Variants in COL7A1 observed in about 807,000 individuals in gnomAD.
The protein encoded by COL7A1 is collagen type VII alpha 1 chain.
COL7A1 carries 296 observed loss-of-function variants against 456.2 expected under a neutral mutation model. That is an observed-to-expected ratio of 0.65 (90% CI 0.59 to 0.71). COL7A1 has a LOEUF of 0.71. Among genes scored for constraint, COL7A1 ranks in the 30% least tolerant of loss-of-function variants. The pLI is 0.00. For synonymous variants in COL7A1, 1,464 were observed against 1,525.9 expected (o/e 0.96, Z 0.95); for missense variants, 3,441 against 4,017.2 (o/e 0.86, Z 3.88).
In COL7A1 at chr3:48,565,435, G is replaced by T. The variant is rs201339290; in HGVS notation, c.8502C>A (p.Leu2834=). The T allele has an allele frequency of 6.2e-7, 1 of 1,612,588 alleles. No individual in the cohort carries two copies. The highest frequency in any genetic ancestry group is 1.3e-5 in the African/African-American group (1 of 75,028). ...CTTCCTCCTCTGCATGAGAGACGCG[G>T]AGCACAGGCACAGCATGGAGCTGGG... ...AGSQLHAVPV[L]RVSHAEEEER... Residue 2834 remains leucine (L), a synonymous_variant, in exon 116 of 119, where the codon CTC becomes CTA. Coordinates refer to ENST00000681320, the MANE Select transcript of COL7A1 (RefSeq NM_000094.4). The surrounding 1 kb of genome is among the most constrained non-coding windows in gnomAD (Gnocchi z 4.5).
rs2044521775 is a variant in COL7A1, at chr3:48,578,927, C to T, written c.5416G>A (p.Gly1806Arg). 1 of 1,613,890 alleles carries T rather than the reference C, an allele frequency of 6.2e-7. No individual in the cohort carries two copies. ...NGAAGKAGDP[G>R]RDGLPGLRGE... ...CATCTCCCCTCACTTACGTCTCTCC[C>T]TGGGTCCCCAGCTTTGCCTGCAGCA... The change falls in exon 63 of 119, where the codon GGG (glycine) becomes AGG (arginine). Residue 1806 changes from glycine to arginine, a missense_variant. Physicochemically the swap from Gly to Arg is moderately radical, Grantham distance 125. Transcript: ENST00000681320. The surrounding 1 kb of genome is among the most constrained non-coding windows in gnomAD (Gnocchi z 4.7).
At position 48,579,385 on chromosome 3, in the gene COL7A1, C is replaced by G. The variant is rs1057520568; in HGVS notation, c.5291G>C (p.Gly1764Ala). Residue 1764 changes from glycine to alanine, a missense_variant, in exon 61 of 119, where the codon GGC becomes GCC. This residue lies in a region of COL7A1 where 2,084 missense variants were observed against 2,501.3 expected (regional missense o/e 0.83). Transcript: ENST00000681320. The surrounding 1 kb of genome is among the most constrained non-coding windows in gnomAD (Gnocchi z 4.4). The part of the protein sequence containing the change: ...PGPQGDPGVR[G>A]PAGEKGDRGP... ...CCCTCTCACCTTTTCTCCTGCTGGG[C>G]CTCGGACACCTGGGTCCCCCTGGAG... The G allele has an allele frequency of 1.9e-6, 3 of 1,614,002 alleles. No individual in the cohort carries two copies. The highest frequency in any genetic ancestry group is 1.7e-5 in the Admixed American group (1 of 60,012).
Position 48,584,568 on chromosome 3 carries a change from G to A in COL7A1, c.4048-12C>T. 1.9e-6 allele frequency: 3 copies of A among 1,614,122 alleles called. No individual in the cohort carries two copies. The highest frequency in any genetic ancestry group is 2.5e-6 in the Non-Finnish European group (3 of 1,180,002). On this transcript the variant is annotated splice_polypyrimidine_tract_variant and intron_variant, in intron 35 of 118. Coordinates refer to ENST00000681320, the MANE Select transcript of COL7A1 (RefSeq NM_000094.4). ...TGTCCGGGAGCCCCCTGTAAGGACA[G>A]AGAGCAGTGGGCAGGATTCAGGCTA...
At position 48,568,037 on chromosome 3, in the gene COL7A1, TTCAACATTA is replaced by T; in HGVS notation, c.7875+44_7875+52del. On this transcript the variant is annotated intron_variant, in intron 106 of 118. Transcript: ENST00000681320. The surrounding 1 kb of genome is among the most constrained non-coding windows in gnomAD (Gnocchi z 5.2). ...ATATCTGACCCCAGGTCCCTCGCCCTTCAACATTAGGCCTTCCTGACCAGAAAAAAACCA... is the reference window on the plus strand; with the variant it reads ...ATATCTGACCCCAGGTCCCTCGCCCTGGCCTTCCTGACCAGAAAAAAACCA... 1 of 1,611,104 alleles carries T rather than the reference TTCAACATTA, an allele frequency of 6.2e-7. No homozygotes were observed.
rs1313163696 is a variant in COL7A1 at position 48,594,738 on chromosome 3, C to A, written c.86-190G>T. The stretch of plus-strand genomic sequence containing the variant: ...CGGTGGGTCCCAGAGCAGACTCCCG[C>A]GGAGGGTTGGGGGTGTGCGGGGGAG... On this transcript the variant is annotated intron_variant, in intron 2 of 118. Coordinates refer to ENST00000681320, the MANE Select transcript of COL7A1 (RefSeq NM_000094.4). This position sits in a 1 kb window ranked among gnomAD's most constrained non-coding sequence, Gnocchi z 5.5. Among the ~76,000 whole-genome samples the A allele has an allele frequency of 1.3e-5, 2 of 151,938 alleles. No individual in the cohort carries two copies. The highest frequency in any genetic ancestry group is 4.8e-5 in the African/African-American group (2 of 41,358).
chr3:48,580,883 C>G lies in COL7A1; in HGVS notation c.4979G>C (p.Arg1660Pro), dbSNP rs373152375. 10 of 1,613,990 alleles carry G rather than the reference C, an allele frequency of 6.2e-6. No individual in the cohort carries two copies. The African/African-American group carries it at 1.3e-4, about 22-fold the overall frequency. Reference protein sequence around the residue: ...LPGKAGERGLRGAPGVRGPVG... With the variant: ...LPGKAGERGLPGAPGVRGPVG... ...TTACTTCTCTCTGCCAAGACTCACCCGAAGGCCACGCTCGCCTGCTTTTCC... is the reference window on the plus strand; with the variant it reads ...TTACTTCTCTCTGCCAAGACTCACCGGAAGGCCACGCTCGCCTGCTTTTCC... Residue 1660 changes from arginine to proline, a missense_variant and splice_region_variant, in exon 54 of 119, where the codon CGG (arginine) becomes CCG (proline). This residue lies in a region of COL7A1 where 2,084 missense variants were observed against 2,501.3 expected (regional missense o/e 0.83). Coordinates refer to ENST00000681320, the MANE Select transcript of COL7A1 (RefSeq NM_000094.4). This position sits in a 1 kb window ranked among gnomAD's most constrained non-coding sequence, Gnocchi z 4.5.
chr3:48,570,312 G>A lies in COL7A1; in HGVS notation c.7403C>T (p.Pro2468Leu). 1 of 1,614,108 alleles carries A rather than the reference G, an allele frequency of 6.2e-7. No homozygotes were observed. The highest frequency in any genetic ancestry group is 8.5e-7 in the Non-Finnish European group (1 of 1,179,972). ...GDKGDPGVGL[P>L]GPRGERGEPG... The stretch of plus-strand genomic sequence containing the variant: ...CTCCCCACGCTCGCCTCGGGGCCCA[G>A]GCAGCCCTACTCCAGGGTCTCCCTG... The change falls in exon 98 of 119, where the codon CCT becomes CTT. Residue 2468 changes from proline to leucine, a missense_variant. Physicochemically the swap from Pro to Leu is moderately conservative, Grantham distance 98. Transcript: ENST00000681320. The surrounding 1 kb of genome is among the most constrained non-coding windows in gnomAD (Gnocchi z 5.5).
rs2045711473 is a variant in COL7A1 at position 48,591,677 on chromosome 3, G to A, written c.1503C>T (p.Pro501=). The part of the protein sequence containing the change: ...HEVATPATVV[P]TGPELPVSPV... ...CCCAGCCCACAGAGCCCTCACCAGT[G>A]GGAACCACGGTTGCAGGGGTGGCCA... The change falls in exon 12 of 119, where the codon CCC becomes CCT. Residue 501 remains proline, a synonymous_variant. Coordinates refer to ENST00000681320, the MANE Select transcript of COL7A1 (RefSeq NM_000094.4). The surrounding 1 kb of genome is among the most constrained non-coding windows in gnomAD (Gnocchi z 7.0). 5.0e-6 allele frequency: 8 copies of A among 1,614,050 alleles called. No homozygotes were observed. Among genetic ancestry groups the A allele is most frequent in the Non-Finnish European group, 6.8e-6 (8 of 1,180,018 alleles).
chr3:48,589,770 G>T (rs767751722), intron 16 of COL7A1, 52 bp from the exon 17 acceptor site: 3 of 1,613,276 alleles, frequency 1.9e-6, no homozygotes, highest in Middle Eastern at 1.7e-4. Context: ...GAAGGAGTGG[G>T]GCTATCTGAT....
Position 48,583,717 on chromosome 3 carries a change from C to T in COL7A1, c.4341+1G>A. On this transcript the variant is annotated splice_donor_variant, in intron 40 of 118. Transcript: ENST00000681320. LOFTEE classifies it high-confidence loss of function. This position sits in a 1 kb window ranked among gnomAD's most constrained non-coding sequence, Gnocchi z 5.1. ...GGACATCATCAAGTCAGCCTTCCTA[C>T]TTTTTCTCCTTTCTTTCCAGGGGGG... The T allele has an allele frequency of 6.2e-7, 1 of 1,614,036 alleles. No individual in the cohort carries two copies. Among genetic ancestry groups the T allele is most frequent in the Non-Finnish European group, 8.5e-7 (1 of 1,179,982 alleles).
chr3:48,580,024 C>T lies in COL7A1; in HGVS notation c.5124+7G>A, dbSNP rs1252390554. 1.2e-6 allele frequency: 2 copies of T among 1,613,998 alleles called. No individual in the cohort carries two copies. Among genetic ancestry groups the T allele is most frequent in the Non-Finnish European group, 1.7e-6 (2 of 1,179,962 alleles). On this transcript the variant is annotated splice_region_variant and intron_variant, in intron 57 of 118. Transcript: ENST00000681320. The surrounding 1 kb of genome is among the most constrained non-coding windows in gnomAD (Gnocchi z 4.5). ...TGACAGAGGACCAGACCCAGCGCAG[C>T]CCTTACCAGCCGTCCCGGGGGTCCT...
chr3:48,594,402 G>A lies in COL7A1; in HGVS notation c.232C>T (p.Arg78Cys), dbSNP rs200381437. 3.7e-6 allele frequency: 6 copies of A among 1,611,522 alleles called. No individual in the cohort carries two copies. Among genetic ancestry groups the A allele is most frequent in the East Asian group, 4.5e-5 (2 of 44,882 alleles). ...FSGAASAQGV[R>C]FATVQYSDDP... Reference sequence around the variant, plus strand: ...TCGCTGTACTGCACTGTGGCAAAGCGCACACCCTGTGCACTGGCTGCTCCA... The same window carrying A: ...TCGCTGTACTGCACTGTGGCAAAGCACACACCCTGTGCACTGGCTGCTCCA... Residue 78 changes from arginine to cysteine, a missense_variant, in exon 3 of 119, where the codon CGC (arginine) becomes TGC (cysteine). By Grantham distance (180) the Arg-to-Cys change is radical. Transcript: ENST00000681320. The surrounding 1 kb of genome is among the most constrained non-coding windows in gnomAD (Gnocchi z 5.5).
At position 48,594,914 on chromosome 3, in the gene COL7A1, C is replaced by A. The variant is rs1055450513; in HGVS notation, c.85+161G>T. On this transcript the variant is annotated intron_variant, in intron 2 of 118. Transcript: ENST00000681320. This position sits in a 1 kb window ranked among gnomAD's most constrained non-coding sequence, Gnocchi z 5.5. ...GGAGGCGGTTTAGGGAACCCAGCAC[C>A]GATCGCGGAGGGTTCGGGGAGTCCC... Among the ~76,000 whole-genome samples, 1 of 152,158 alleles carries A rather than the reference C, an allele frequency of 6.6e-6. No individual in the cohort carries two copies. Among genetic ancestry groups the A allele is most frequent in the Non-Finnish European group, 1.5e-5 (1 of 68,018 alleles).
Position 48,591,579 on chromosome 3 carries a change from A to C in COL7A1, c.1521T>G (p.Pro507=), listed in dbSNP as rs2045703113. The change falls in exon 13 of 119, where the codon CCT becomes CCG. Residue 507 remains proline, a synonymous_variant. Transcript: ENST00000681320. The surrounding 1 kb of genome is among the most constrained non-coding windows in gnomAD (Gnocchi z 7.0). ...CTTGCAGGTCTGTTACAGGGCTCACAGGCAGCTCTGGTCCTGTTGGAGAGC... is the reference window on the plus strand; with the variant it reads ...CTTGCAGGTCTGTTACAGGGCTCACCGGCAGCTCTGGTCCTGTTGGAGAGC... The part of the protein sequence containing the change: ...ATVVPTGPEL[P]VSPVTDLQAT... 6.2e-7 allele frequency: 1 copy of C among 1,613,546 alleles called. No individual in the cohort carries two copies. Among genetic ancestry groups the C allele is most frequent in the African/African-American group, 1.3e-5 (1 of 74,900 alleles).
Position 48,565,687 on chromosome 3 carries a change from G to C in COL7A1, c.8408-19C>G. 6.2e-7 allele frequency: 1 copy of C among 1,608,832 alleles called. No individual in the cohort carries two copies. Among genetic ancestry groups the C allele is most frequent in the Non-Finnish European group, 8.5e-7 (1 of 1,177,182 alleles). ...TGGCAGGCTAGAGGGGGCAGAGAGG[G>C]ATAGAGAGACAATGACAGAGAGAAG... On this transcript the variant is annotated intron_variant, in intron 114 of 118. Transcript: ENST00000681320. This position sits in a 1 kb window ranked among gnomAD's most constrained non-coding sequence, Gnocchi z 4.5.
Position 48,583,958 on chromosome 3 carries a change from G to A in COL7A1, c.4225-5C>T. ...TTCACCTGGTCCAGGGGGACCCTGG[G>A]AGAGAACAGCAGGTCAGGGAATGAA... On this transcript the variant is annotated splice_polypyrimidine_tract_variant and splice_region_variant and intron_variant, in intron 38 of 118. Transcript: ENST00000681320. This position sits in a 1 kb window ranked among gnomAD's most constrained non-coding sequence, Gnocchi z 5.1. 2 of 1,613,844 alleles carry A rather than the reference G, an allele frequency of 1.2e-6. No individual in the cohort carries two copies. Among genetic ancestry groups the A allele is most frequent in the South Asian group, 1.1e-5 (1 of 91,086 alleles).
In COL7A1 at chr3:48,565,491, G is replaced by C; in HGVS notation, c.8446C>G (p.Leu2816Val). The change falls in exon 116 of 119, where the codon CTC becomes GTC. Residue 2816 changes from leucine (L) to valine (V), a missense_variant. Physicochemically the swap from Leu to Val is conservative, Grantham distance 32. Transcript: ENST00000681320. The surrounding 1 kb of genome is among the most constrained non-coding windows in gnomAD (Gnocchi z 4.5). ...GCAGTGTCTGCAGCATAACTAGGGA[G>C]GGGTCCTGGAGCCAAGAGCAGGGGC... ...GQFIASGSRP[L>V]PSYAADTAGS... 13 of 1,613,638 alleles carry C rather than the reference G, an allele frequency of 8.1e-6. No homozygotes were observed. Among genetic ancestry groups the C allele is most frequent in the Non-Finnish European group, 1.1e-5 (13 of 1,179,756 alleles).
rs576214366 is a variant in COL7A1 at position 48,589,238 on chromosome 3, G to A, written c.2314+89C>T. On this transcript the variant is annotated intron_variant, in intron 18 of 118. Transcript: ENST00000681320. Reference sequence around the variant, plus strand: ...TGTGGACAGGACAGTCACTGAGCAGGGGGGTGGAGGCAGCTGGGCAATCAG... The same window carrying A: ...TGTGGACAGGACAGTCACTGAGCAGAGGGGTGGAGGCAGCTGGGCAATCAG... 5.1e-5 allele frequency: 81 copies of A among 1,585,928 alleles called. 1 individual carries two copies. The Admixed American group carries it at 9.7e-4, about 19-fold the overall frequency.
chr3:48,572,849 C>G lies in COL7A1; in HGVS notation c.6831+13G>C, dbSNP rs1205910495. The G allele has an allele frequency of 1.9e-6, 3 of 1,614,024 alleles. No homozygotes were observed. Among genetic ancestry groups the G allele is most frequent in the Non-Finnish European group, 2.5e-6 (3 of 1,179,972 alleles). ...GGCACCACACCCTAGCGAGCTGCCCCCAGAACACATACTGGCACACCAGGG... is the reference window on the plus strand; with the variant it reads ...GGCACCACACCCTAGCGAGCTGCCCGCAGAACACATACTGGCACACCAGGG... On this transcript the variant is annotated intron_variant, in intron 87 of 118. Transcript: ENST00000681320. The surrounding 1 kb of genome is among the most constrained non-coding windows in gnomAD (Gnocchi z 4.6).
Sources: allele counts gnomAD v4.1 joint callset (sites outside exome capture counted in the v4.1 genomes callset), GRCh38; gene constraint gnomAD v4.1.1; regional missense constraint gnomAD v4.1.1; non-coding constraint Gnocchi (gnomAD v3.1); transcripts MANE v1.5; gene names NCBI Gene and HGNC (gene_info 2026-07-23, HGNC 2026-07-21).